MGST1: variants seen among roughly 807,000 people sequenced by gnomAD.
MGST1 encodes glutathione S-transferase 12.
A neutral mutation model predicts 8.9 loss-of-function variants in MGST1; 5 were observed. That is an observed-to-expected ratio of 0.56 (90% CI 0.29 to 1.19). The LOEUF is 1.19. Ranked by LOEUF, MGST1 falls within the 50% of genes most tolerant of loss-of-function variation. The pLI, the probability that MGST1 is intolerant of heterozygous loss-of-function variation, is 0.08. For missense variants in MGST1, 182 were observed against 187.4 expected, an observed-to-expected ratio of 0.97 and a Z score of 0.17; for synonymous variants, 54 against 67.8, an observed-to-expected ratio of 0.80 and a Z score of 1.00.
At chr12:16,476,653 A>G (rs996105416) in intron 4 of MGST1, among the ~76,000 whole-genome samples, 7 of 152,212 alleles carry the variant, frequency 4.6e-5, no homozygotes, top group Non-Finnish European at 1.0e-4. Context: ...TGGTAACCCA[A>G]CAAAACTTGA....
At chr12:16,432,901 GGT>G (rs1252137741) in intron 1 of MGST1, among the ~76,000 whole-genome samples, 4 of 152,200 alleles carry the variant, frequency 2.6e-5, no homozygotes, top group Middle Eastern at 3.4e-3. Flanking sequence ...GACAGTCAAT[GGT>G]GTCTGTCAAT....
In MGST1 at chr12:16,546,864, C is replaced by T. The variant is rs1380484913; in HGVS notation, n.483-42664C>T. 6.6e-6 allele frequency among the ~76,000 whole-genome samples: 1 copy of T among 151,934 alleles called. No individual in the cohort carries two copies. Among genetic ancestry groups the T allele is most frequent in the East Asian group, 1.9e-4 (1 of 5,178 alleles). On this transcript the variant is annotated intron_variant and non_coding_transcript_variant, in intron 4 of 4. Coordinates refer to the MGST1 transcript ENST00000538857. The surrounding 1 kb of genome is among the most constrained non-coding windows in gnomAD (Gnocchi z 4.7). Reference sequence around the variant, plus strand: ...AAGCCTGCCAAAAGCAAAAAAATGTCATTTTGTGGTACCAAAATGCAAAAC... The same window carrying T: ...AAGCCTGCCAAAAGCAAAAAAATGTTATTTTGTGGTACCAAAATGCAAAAC...
intron 4 of MGST1, among the ~76,000 whole-genome samples, chr12:16,569,049 T>C (rs577562079): frequency 1.3e-5 from 2 of 152,308 alleles, no homozygotes; most frequent in South Asian, 2.1e-4. Flanking sequence ...ATTGTTCCAG[T>C]TTCAGGCTTA....
At chr12:16,379,290 T>C (rs1333912017), downstream of MGST1, among the ~76,000 whole-genome samples, 1 of 152,172 alleles carries the variant, frequency 6.6e-6, no homozygotes, top group Non-Finnish European at 1.5e-5. Context: ...GGGTTTGTCA[T>C]AGATAGCTCT....
At chr12:16,380,478 T>A (rs1354265884), downstream of MGST1, among the ~76,000 whole-genome samples, 2 of 152,202 alleles carry the variant, frequency 1.3e-5, no homozygotes, top group African/African-American at 4.8e-5. Flanking sequence ...AATCCTGAGT[T>A]CTAGTTTGAT....
At chr12:16,593,292 C>T, downstream of MGST1, among the ~76,000 whole-genome samples, 1 of 151,664 alleles carries the variant, frequency 6.6e-6, no homozygotes, top group Non-Finnish European at 1.5e-5. This position sits in a 1 kb window ranked among gnomAD's most constrained non-coding sequence, Gnocchi z 4.2. Flanking sequence ...CCCAGTAGCC[C>T]AGTTGGAGAG....
chr12:16,460,291 G>A (rs532968019), intron 4 of MGST1, among the ~76,000 whole-genome samples: 1 of 152,232 alleles, frequency 6.6e-6, no homozygotes, highest in East Asian at 1.9e-4. Context: ...TGAGTGGAGA[G>A]CATGGCATAT....
At chr12:16,551,850 T>G (rs142003666) in intron 4 of MGST1, among the ~76,000 whole-genome samples, 2 of 152,136 alleles carry the variant, frequency 1.3e-5, no homozygotes, top group Non-Finnish European at 2.9e-5. Context: ...GATTAAATGT[T>G]AGTAATCTAG....
chr12:16,538,718 C>T (rs1415060313), intron 4 of MGST1, among the ~76,000 whole-genome samples: 2 of 151,746 alleles, frequency 1.3e-5, no homozygotes, highest in Non-Finnish European at 1.5e-5. Context: ...ACGCCATTCT[C>T]CTGCCTCAGC....
downstream of MGST1, among the ~76,000 whole-genome samples, chr12:16,366,174 G>A (rs925045299): frequency 1.1e-4 from 17 of 152,146 alleles, no homozygotes; most frequent in African/African-American, 4.1e-4. This position sits in a 1 kb window ranked among gnomAD's most constrained non-coding sequence, Gnocchi z 4.0. Context: ...ATTCTCAGAG[G>A]TATAGGAACT....
intron 4 of MGST1, among the ~76,000 whole-genome samples, chr12:16,570,047 C>G (rs573894024): frequency 6.6e-6 from 1 of 152,210 alleles, no homozygotes; most frequent in South Asian, 2.1e-4. Flanking sequence ...ACATCTCTCC[C>G]TTGATATAGC....
chr12:16,512,454 A>G (rs1941583060), intron 4 of MGST1, among the ~76,000 whole-genome samples: 1 of 152,262 alleles, frequency 6.6e-6, no homozygotes, highest in Admixed American at 6.5e-5. Flanking sequence ...TACTAATGGT[A>G]TTGGCTACCA....
intron 1 of MGST1, among the ~76,000 whole-genome samples, chr12:16,431,628 A>G (rs2137093649): frequency 6.6e-6 from 1 of 152,248 alleles, no homozygotes. Flanking sequence ...CTGTGGCCCA[A>G]AAGAATTGCA....
At chr12:16,470,085 A>T (rs115833906) in intron 4 of MGST1, among the ~76,000 whole-genome samples, 2,014 of 152,336 alleles carry the variant, frequency 0.013, 45 homozygotes, top group African/African-American at 0.046. Flanking sequence ...AATAATTGGA[A>T]TAAGTTTCAC....
At chr12:16,550,999 G>A in intron 4 of MGST1, 2 of 441,668 alleles carry the variant, frequency 4.5e-6, no homozygotes, top group African/African-American at 1.9e-5. Flanking sequence ...AAAAAATCCA[G>A]CCATATGTAC....
chr12:16,398,535 A>G (rs1241751348), intron 1 of MGST1, among the ~76,000 whole-genome samples: 2 of 152,168 alleles, frequency 1.3e-5, no homozygotes, highest in Non-Finnish European at 2.9e-5. Flanking sequence ...ATGAGGCACA[A>G]CCATTCTTCC....
chr12:16,516,369 TA>T (rs1265162759), intron 4 of MGST1, among the ~76,000 whole-genome samples: 1 of 152,182 alleles, frequency 6.6e-6, no homozygotes, highest in African/African-American at 2.4e-5. Flanking sequence ...TTTTGTCAAA[TA>T]TGTTGATTAT....
intron 4 of MGST1, among the ~76,000 whole-genome samples, chr12:16,485,907 G>A (rs1340981139): frequency 1.3e-5 from 2 of 152,138 alleles, no homozygotes; most frequent in Admixed American, 1.3e-4. Flanking sequence ...AAATTACAAA[G>A]TAAAAGCAAA....
rs1291892563 is a variant in MGST1 at position 16,357,566 on chromosome 12, A to G, written c.127-39A>G. On this transcript the variant is annotated intron_variant, in intron 2 of 3. Transcript: ENST00000396210. ...CAGGTGTGAGCTATTGCTCCTGGCC[A>G]GTATTTGAAATAAGTTTTTTTTCTT... 12 of 1,502,642 alleles carry G rather than the reference A, an allele frequency of 8.0e-6. No homozygotes were observed. The South Asian group carries it at 1.3e-4, about 16-fold the overall frequency. The allele number at this position is 1,502,642 out of a possible 1,614,324, so 93.1% of individuals were successfully genotyped here. A position where few individuals can be genotyped will look rare whatever the true frequency, so the allele number is the denominator to read the frequency against.
Sources: gnomAD v4.1 joint callset for allele counts (sites outside exome capture counted in the v4.1 genomes callset) on GRCh38, gnomAD v4.1.1 for gene constraint, Gnocchi (gnomAD v3.1) non-coding constraint, MANE v1.5 for transcripts, NCBI Gene and HGNC (gene_info 2026-07-23, HGNC 2026-07-21) for gene names.